ASB3: variants seen among roughly 807,000 people sequenced by gnomAD.
ASB3 encodes the protein ankyrin repeat and SOCS box containing 3.
In ASB3, 41 loss-of-function variants were observed where a neutral mutation model predicts 54.5. The observed-to-expected ratio is 0.75, with a 90% CI of 0.59 to 0.98. ASB3 has a LOEUF of 0.98. Ranked by LOEUF, ASB3 falls within the 50% of genes least tolerant of loss-of-function variation. The pLI is 0.00. For missense variants in ASB3, 733 were observed against 620.0 expected (o/e 1.18, Z -1.94); for synonymous variants, 266 against 221.2 (o/e 1.20, Z -1.80).
rs148661452 is a variant in ASB3, at chr2:53,730,076, A to T, written c.356-506T>A. Among the ~76,000 whole-genome samples the T allele has an allele frequency of 9.7e-4, 148 of 152,344 alleles. 1 individual carries two copies. The highest frequency in any genetic ancestry group is 3.5e-3 in the African/African-American group (145 of 41,586). ...AAATGTTCTTATATCCATCAATGAAAATGTAAACGTTCTTACTTATGTGAA... is the reference window on the plus strand; with the variant it reads ...AAATGTTCTTATATCCATCAATGAATATGTAAACGTTCTTACTTATGTGAA... On this transcript the variant is annotated intron_variant, in intron 3 of 9. Coordinates refer to ENST00000263634, the MANE Select transcript of ASB3 (RefSeq NM_016115.5).
At chr2:53,673,000 A>G (rs1457698639) in intron 9 of ASB3, among the ~76,000 whole-genome samples, 1 of 152,216 alleles carries the variant, frequency 6.6e-6, no homozygotes, top group Non-Finnish European at 1.5e-5. Flanking sequence ...ACGTAATAAA[A>G]AGTTTCAGAA....
At chr2:53,698,274 G>C (rs1465040673) in intron 8 of ASB3, among the ~76,000 whole-genome samples, 1 of 152,156 alleles carries the variant, frequency 6.6e-6, no homozygotes, top group East Asian at 1.9e-4. Context: ...AAGATCTCTG[G>C]AATGCCTTCA....
intron 8 of ASB3, among the ~76,000 whole-genome samples, chr2:53,699,456 G>C (rs895690234): frequency 6.6e-6 from 1 of 152,206 alleles, no homozygotes; most frequent in African/African-American, 2.4e-5. Context: ...AGAGTTAATA[G>C]CTTTGGTAGA....
Position 53,700,530 on chromosome 2 carries a change from TCCA to T in ASB3, c.981-5_981-3del. The T allele has an allele frequency of 1.3e-6, 2 of 1,582,488 alleles. No homozygotes were observed. The highest frequency in any genetic ancestry group is 1.7e-6 in the Non-Finnish European group (2 of 1,170,216). On this transcript the variant is annotated splice_polypyrimidine_tract_variant and splice_region_variant and intron_variant, in intron 7 of 9. Transcript: ENST00000263634. ...TTCACAATTCCAAAGAACTCACAGC[TCCA>T]CCATAAAAAATAAAAACAAAAAAAG...
chr2:53,694,056 T>G, intron 8 of ASB3, 42 bp from the exon 9 acceptor site: 1 of 1,603,138 alleles, frequency 6.2e-7, no homozygotes, highest in Non-Finnish European at 8.5e-7. Flanking sequence ...AAACAAAACA[T>G]GCCAAGGGTT....
intron 3 of ASB3, among the ~76,000 whole-genome samples, chr2:53,750,087 T>C (rs1572964033): frequency 4.6e-5 from 7 of 152,158 alleles, no homozygotes; most frequent in Admixed American, 6.5e-5. Context: ...TAAATAAATA[T>C]ACAAATTACA....
intron 3 of ASB3, chr2:53,748,374 T>C (rs1672340118): frequency 6.6e-6 from 1 of 152,198 alleles, no homozygotes; most frequent in South Asian, 2.1e-4. Context: ...TCCTCTGTAG[T>C]TGTACAGAAT....
chr2:53,679,268 G>A (rs1055368332), intron 9 of ASB3, among the ~76,000 whole-genome samples: 1 of 152,124 alleles, frequency 6.6e-6, no homozygotes, highest in African/African-American at 2.4e-5. Flanking sequence ...GACCTGCAGG[G>A]TTTTGCTCTG....
intron 1 of ASB3, among the ~76,000 whole-genome samples, chr2:53,776,637 A>G (rs1276795383): frequency 3.3e-5 from 5 of 152,134 alleles, no homozygotes; most frequent in Non-Finnish European, 5.9e-5. Context: ...CCAGAGCAAC[A>G]GAAGAGCACC....
intron 2 of ASB3, among the ~76,000 whole-genome samples, chr2:53,756,585 C>G (rs1343090039): frequency 6.6e-6 from 1 of 152,110 alleles, no homozygotes; most frequent in Non-Finnish European, 1.5e-5. Context: ...TTGCCCTCAC[C>G]AATGTGGGCA....
rs1163988689 is a variant in ASB3 at position 53,697,386 on chromosome 2, G to A, written c.1238+2885C>T. Among the ~76,000 whole-genome samples the A allele has an allele frequency of 2.0e-5, 3 of 152,144 alleles. No homozygotes were observed. The East Asian group carries it at 5.8e-4, about 29-fold the overall frequency. ...GCTCAGCAGCCTGTGCTGCTGCTCTGCCTATGAAATAGCCATTCTTTTGTT... is the reference window on the plus strand; with the variant it reads ...GCTCAGCAGCCTGTGCTGCTGCTCTACCTATGAAATAGCCATTCTTTTGTT... On this transcript the variant is annotated intron_variant, in intron 8 of 9. Transcript: ENST00000263634.
At chr2:53,734,517 C>G (rs768584410) in intron 3 of ASB3, among the ~76,000 whole-genome samples, 1 of 152,110 alleles carries the variant, frequency 6.6e-6, no homozygotes, top group African/African-American at 2.4e-5. Context: ...CTATTATGTA[C>G]CAGGTAATAT....
chr2:53,753,152 C>T (rs543146182), intron 2 of ASB3, among the ~76,000 whole-genome samples: 52 of 152,098 alleles, frequency 3.4e-4, no homozygotes, highest in African/African-American at 1.2e-3. Flanking sequence ...CATAACCACA[C>T]TGAGAGATAG....
intron 7 of ASB3, among the ~76,000 whole-genome samples, chr2:53,702,891 G>A (rs1183332547): frequency 3.9e-5 from 6 of 152,210 alleles, no homozygotes; most frequent in African/African-American, 1.4e-4. Context: ...CTTATTAGGT[G>A]AATTATAACA....
At chr2:53,673,757 T>A (rs1667941285) in intron 9 of ASB3, among the ~76,000 whole-genome samples, 1 of 152,204 alleles carries the variant, frequency 6.6e-6, no homozygotes, top group African/African-American at 2.4e-5. Flanking sequence ...TTTCAGAATA[T>A]CTTTCCATTT....
At chr2:53,768,907 G>C (rs1673690195) in intron 1 of ASB3, among the ~76,000 whole-genome samples, 2 of 152,236 alleles carry the variant, frequency 1.3e-5, no homozygotes, top group African/African-American at 4.8e-5. Context: ...TCAATGGAAA[G>C]TGGAAAAGAT....
chr2:53,724,989 C>T (rs947512748), intron 5 of ASB3, among the ~76,000 whole-genome samples: 1 of 152,126 alleles, frequency 6.6e-6, no homozygotes, highest in African/African-American at 2.4e-5. Context: ...GCATGTTCAT[C>T]ACGGCACCAT....
chr2:53,727,305 T>C (rs890681811), intron 5 of ASB3, among the ~76,000 whole-genome samples: 2 of 152,142 alleles, frequency 1.3e-5, no homozygotes, highest in South Asian at 4.1e-4. Context: ...CTTAAGTGTT[T>C]GAAGGTTTCT....
chr2:53,695,109 G>T (rs113345242), intron 8 of ASB3, among the ~76,000 whole-genome samples: 1,634 of 152,152 alleles, frequency 0.011, 9 homozygotes, highest in Non-Finnish European at 0.018. Context: ...CACCTCTTTG[G>T]AGGTATTACG....
Sources: gnomAD v4.1 joint callset for allele counts (sites outside exome capture counted in the v4.1 genomes callset) on GRCh38, gnomAD v4.1.1 for gene constraint, MANE v1.5 for transcripts, NCBI Gene and HGNC (gene_info 2026-07-23, HGNC 2026-07-21) for gene names.